The following IL1RAPL2 variants were observed in gnomAD, a reference collection of about 807,000 sequenced individuals.
IL1RAPL2 encodes the protein interleukin 1 receptor accessory protein like 2, also known as X-linked interleukin-1 receptor accessory protein-like 2.
A neutral mutation model predicts 44.1 loss-of-function variants in IL1RAPL2; 3 were observed. The ratio of observed to expected loss-of-function variants is 0.07; its 90% CI spans 0.03 to 0.18. IL1RAPL2 has a LOEUF of 0.18. Among genes scored for constraint, IL1RAPL2 ranks in the 10% least tolerant of loss-of-function variants. IL1RAPL2 has a pLI of 1.00. For missense variants in IL1RAPL2, 391 were observed against 496.4 expected, an observed-to-expected ratio of 0.79 and a Z score of 2.02; for synonymous variants, 181 against 178.8, an observed-to-expected ratio of 1.01 and a Z score of -0.10.
chrX:105,742,512 TA>T (rs1450955861), intron 8 of IL1RAPL2, among the ~76,000 whole-genome samples: 1 of 111,383 alleles, frequency 9.0e-6, no homozygotes, highest in African/African-American at 3.3e-5. Context: ...TAAAAATTTC[TA>T]AAAATTTGAC....
intron 1 of IL1RAPL2, among the ~76,000 whole-genome samples, chrX:104,594,360 G>A (rs1230321958): frequency 2.7e-5 from 3 of 111,679 alleles, no homozygotes; most frequent in African/African-American, 9.7e-5. Context: ...AGTTATAATA[G>A]TTAATCAGTG....
intron 10 of IL1RAPL2, among the ~76,000 whole-genome samples, chrX:105,756,317 C>T (rs1019860469): frequency 8.9e-6 from 1 of 111,737 alleles, no homozygotes; most frequent in Admixed American, 9.5e-5. Context: ...TATCCTCATG[C>T]TGAGGAAGCA....
chrX:105,125,217 C>T (rs1429262920), intron 2 of IL1RAPL2, among the ~76,000 whole-genome samples: 2 of 110,758 alleles, frequency 1.8e-5, no homozygotes, highest in African/African-American at 3.3e-5. Context: ...AAGGGGTTGT[C>T]TGTTTTATTT....
intron 2 of IL1RAPL2, among the ~76,000 whole-genome samples, chrX:104,661,020 C>A (rs1293014506): frequency 9.0e-6 from 1 of 110,663 alleles, no homozygotes; most frequent in Non-Finnish European, 1.9e-5. Context: ...ATTAAAAGAT[C>A]AACTTTTCAA....
At chrX:104,675,502 G>A (rs1260064271) in intron 2 of IL1RAPL2, among the ~76,000 whole-genome samples, 1 of 111,201 alleles carries the variant, frequency 9.0e-6, no homozygotes, top group Admixed American at 9.5e-5. Context: ...ATTTGCTGAG[G>A]AGAGCTTTAC....
intron 6 of IL1RAPL2, among the ~76,000 whole-genome samples, chrX:105,629,169 G>A (rs1052436960): frequency 9.0e-6 from 1 of 111,064 alleles, no homozygotes; most frequent in Non-Finnish European, 1.9e-5. Flanking sequence ...TGGGAAAACA[G>A]CCCAGGTCTT....
chrX:105,659,518 G>A (rs1201701745), intron 6 of IL1RAPL2, among the ~76,000 whole-genome samples: 4 of 107,785 alleles, frequency 3.7e-5, no homozygotes, highest in Non-Finnish European at 5.8e-5. Flanking sequence ...TTAGCTGGGC[G>A]TGGTGGCGGG....
chrX:104,635,299 G>T (rs1244220728), intron 1 of IL1RAPL2, among the ~76,000 whole-genome samples: 1 of 110,279 alleles, frequency 9.1e-6, no homozygotes, highest in Non-Finnish European at 1.9e-5. Context: ...TTCAACTTTG[G>T]TGAATCTGAC....
intron 1 of IL1RAPL2, among the ~76,000 whole-genome samples, chrX:104,592,193 GT>G (rs1569276532): frequency 2.1e-5 from 2 of 95,329 alleles, no homozygotes; most frequent in African/African-American, 8.1e-5. Flanking sequence ...GTGTGTGTGT[GT>G]TATTGGAGGT....
At chrX:104,668,856 C>T (rs1044726696) in intron 2 of IL1RAPL2, among the ~76,000 whole-genome samples, 1 of 110,222 alleles carries the variant, frequency 9.1e-6, no homozygotes, top group African/African-American at 3.3e-5. Flanking sequence ...TGTGATTGGT[C>T]TAATCTTTGA....
chrX:105,091,048 T>G (rs188206289), intron 2 of IL1RAPL2, among the ~76,000 whole-genome samples: 272 of 112,355 alleles, frequency 2.4e-3, no homozygotes, highest in African/African-American at 7.6e-3. Context: ...TGTGTTTGTA[T>G]GTGACTTATA....
At chrX:105,711,342 G>A (rs1206460909) in intron 6 of IL1RAPL2, among the ~76,000 whole-genome samples, 2 of 110,998 alleles carry the variant, frequency 1.8e-5, no homozygotes, top group Non-Finnish European at 3.8e-5. Flanking sequence ...ACATGAGTGT[G>A]CAAGTCAGAG....
At chrX:104,680,070 A>T (rs768319157) in intron 2 of IL1RAPL2, among the ~76,000 whole-genome samples, 2 of 111,944 alleles carry the variant, frequency 1.8e-5, no homozygotes, top group African/African-American at 6.5e-5. Context: ...AGGTTTTTCA[A>T]TCCAGCCTTT....
At chrX:104,826,902 A>C (rs1439691343) in intron 2 of IL1RAPL2, among the ~76,000 whole-genome samples, 1 of 100,979 alleles carries the variant, frequency 9.9e-6, no homozygotes, top group Non-Finnish European at 2.0e-5. Flanking sequence ...GTTGGTTGAA[A>C]GTCTGTTTTA....
chrX:104,820,636 C>G (rs763714911), intron 2 of IL1RAPL2, among the ~76,000 whole-genome samples: 1 of 111,475 alleles, frequency 9.0e-6, no homozygotes, highest in Non-Finnish European at 1.9e-5. Flanking sequence ...ATAGCAGTTG[C>G]GGTAGAATAA....
At chrX:105,565,497 G>T (rs2147808494) in intron 6 of IL1RAPL2, among the ~76,000 whole-genome samples, 1 of 111,853 alleles carries the variant, frequency 8.9e-6, no homozygotes, top group East Asian at 2.8e-4. Flanking sequence ...TGGCCCATTT[G>T]TAAAATATGT....
At chrX:105,487,172 AG>A (rs765688757) in intron 6 of IL1RAPL2, among the ~76,000 whole-genome samples, 325 of 110,180 alleles carry the variant, frequency 2.9e-3, no homozygotes, top group Non-Finnish European at 4.8e-3. Flanking sequence ...TGGTCCCTGG[AG>A]GAATACCTTC....
At chrX:104,677,805 G>A (rs191690595) in intron 2 of IL1RAPL2, among the ~76,000 whole-genome samples, 24 of 112,230 alleles carry the variant, frequency 2.1e-4, no homozygotes, top group South Asian at 1.5e-3. Context: ...GTGGTGCGCC[G>A]TTTTTTAAGC....
chrX:104,595,233 C>A (rs1197991860), intron 1 of IL1RAPL2, among the ~76,000 whole-genome samples: 2 of 110,862 alleles, frequency 1.8e-5, no homozygotes, highest in South Asian at 7.6e-4. Flanking sequence ...GACTTACAAT[C>A]GTATTTAATG....
Sources: allele counts gnomAD v4.1 joint callset (sites outside exome capture counted in the v4.1 genomes callset), GRCh38; gene constraint gnomAD v4.1.1; transcripts MANE v1.5; gene names NCBI Gene and HGNC (gene_info 2026-07-23, HGNC 2026-07-21).